The following LUZP2 variants were observed in gnomAD, a reference collection of about 807,000 sequenced individuals.
LUZP2 encodes leucine zipper protein 2.
Under a neutral mutation model 51.6 loss-of-function variants are expected in LUZP2, and 52 were observed. The observed-to-expected ratio is 1.01, with a 90% CI of 0.81 to 1.27. LUZP2 has a LOEUF of 1.27. Among genes scored for constraint, LUZP2 ranks in the 50% most tolerant of loss-of-function variants. LUZP2 has a pLI of 0.00. For missense variants in LUZP2, 436 were observed against 395.4 expected, an observed-to-expected ratio of 1.10 and a Z score of -0.87; for synonymous variants, 154 against 137.3, an observed-to-expected ratio of 1.12 and a Z score of -0.85.
chr11:24,717,564 C>A (rs1324833510), intron 1 of LUZP2, among the ~76,000 whole-genome samples: 2 of 147,322 alleles, frequency 1.4e-5, no homozygotes, highest in Admixed American at 6.8e-5. Flanking sequence ...CCTGCCACCA[C>A]GCCCGGCTAA....
chr11:25,014,023 GT>G, intron 9 of LUZP2, among the ~76,000 whole-genome samples: 1 of 152,016 alleles, frequency 6.6e-6, no homozygotes, highest in Non-Finnish European at 1.5e-5. Context: ...CCCTGCGATA[GT>G]TTGCTGAGAA....
At chr11:24,663,203 G>A (rs555620875) in intron 1 of LUZP2, among the ~76,000 whole-genome samples, 1 of 152,244 alleles carries the variant, frequency 6.6e-6, no homozygotes, top group African/African-American at 2.4e-5. Context: ...GGCTCTGGTG[G>A]GAGGGGATTA....
At chr11:24,680,715 C>A (rs903825467) in intron 1 of LUZP2, among the ~76,000 whole-genome samples, 12 of 152,270 alleles carry the variant, frequency 7.9e-5, no homozygotes, top group African/African-American at 2.4e-4. Context: ...AATTCATACA[C>A]CTGATCCGAA....
intron 7 of LUZP2, among the ~76,000 whole-genome samples, chr11:24,940,862 A>G (rs895485348): frequency 6.6e-6 from 1 of 152,204 alleles, no homozygotes; most frequent in African/African-American, 2.4e-5. Flanking sequence ...CAGAAGTGGT[A>G]TGTGTAGAGA....
At chr11:24,655,709 T>C (rs1190434614) in intron 1 of LUZP2, among the ~76,000 whole-genome samples, 3 of 152,160 alleles carry the variant, frequency 2.0e-5, no homozygotes, top group Admixed American at 2.0e-4. Flanking sequence ...TTGTCAGTGT[T>C]TGGAATTTAG....
At chr11:24,647,284 G>GT (rs917072948) in intron 1 of LUZP2, among the ~76,000 whole-genome samples, 48 of 151,152 alleles carry the variant, frequency 3.2e-4, no homozygotes, top group African/African-American at 7.5e-4. Context: ...AATCATTGCT[G>GT]TTTTTTTTAA....
intron 1 of LUZP2, among the ~76,000 whole-genome samples, chr11:24,579,677 A>G (rs1304684435): frequency 1.3e-5 from 2 of 152,118 alleles, no homozygotes; most frequent in African/African-American, 4.8e-5. Context: ...ATTGGTTCAT[A>G]TAATACATTG....
At chr11:24,899,215 A>G (rs779383641) in intron 5 of LUZP2, among the ~76,000 whole-genome samples, 13 of 152,072 alleles carry the variant, frequency 8.5e-5, no homozygotes, top group Non-Finnish European at 1.5e-4. Flanking sequence ...TGTCTTTTAT[A>G]ATTTTATAAT....
intron 1 of LUZP2, among the ~76,000 whole-genome samples, chr11:24,591,274 G>A (rs1853251667): frequency 6.6e-6 from 1 of 152,056 alleles, no homozygotes; most frequent in South Asian, 2.1e-4. Context: ...CATGCCCTTG[G>A]GTGGGAGAGC....
At chr11:24,733,708 A>G (rs1311092128) in intron 3 of LUZP2, among the ~76,000 whole-genome samples, 1 of 151,640 alleles carries the variant, frequency 6.6e-6, no homozygotes, top group South Asian at 2.1e-4. Context: ...AAATTAGTAC[A>G]TGATGACTAT....
chr11:24,877,651 G>T (rs1852316205), intron 5 of LUZP2, among the ~76,000 whole-genome samples: 1 of 151,802 alleles, frequency 6.6e-6, no homozygotes, highest in African/African-American at 2.4e-5. Flanking sequence ...ATTGATTATT[G>T]TCACCCTGTT....
At chr11:24,768,186 C>T (rs188030858) in intron 5 of LUZP2, among the ~76,000 whole-genome samples, 528 of 152,038 alleles carry the variant, frequency 3.5e-3, no homozygotes, top group Non-Finnish European at 6.7e-3. Flanking sequence ...CTGGCTGGAG[C>T]GCAGTGGTGC....
At chr11:24,659,498 C>A (rs1404231815) in intron 1 of LUZP2, among the ~76,000 whole-genome samples, 2 of 151,658 alleles carry the variant, frequency 1.3e-5, no homozygotes, top group Non-Finnish European at 2.9e-5. Flanking sequence ...TGCAGCACAC[C>A]AACATGGCAC....
chr11:24,563,067 C>T (rs1348042046), intron 1 of LUZP2, among the ~76,000 whole-genome samples: 2 of 152,044 alleles, frequency 1.3e-5, no homozygotes, highest in East Asian at 1.9e-4. Context: ...GAATAAAACA[C>T]TTGTGTTTGG....
intron 1 of LUZP2, among the ~76,000 whole-genome samples, chr11:24,620,802 A>C (rs540510752): frequency 1.3e-5 from 2 of 152,206 alleles, no homozygotes; most frequent in Non-Finnish European, 2.9e-5. Flanking sequence ...AATTGCTACA[A>C]TGTAAGTCAA....
intron 1 of LUZP2, among the ~76,000 whole-genome samples, chr11:24,652,292 G>C (rs981520339): frequency 2.0e-5 from 3 of 152,056 alleles, no homozygotes; most frequent in Non-Finnish European, 4.4e-5. Context: ...TCATTATTTT[G>C]TGGGAGCTAT....
intron 9 of LUZP2, among the ~76,000 whole-genome samples, chr11:25,022,017 G>T (rs565380087): frequency 2.6e-5 from 4 of 151,914 alleles, no homozygotes. Context: ...GTTCATTAAG[G>T]TTAGAAATGT....
chr11:24,667,551 T>C lies in LUZP2; in HGVS notation c.63-61618T>C, dbSNP rs556433866. ...CAAATATGTTAAAGGGATTAAACTA[T>C]GCACTCTGTGTAATGGGGAGCTGAG... On this transcript the variant is annotated intron_variant, in intron 1 of 11. Coordinates refer to ENST00000336930, the MANE Select transcript of LUZP2 (RefSeq NM_001009909.4). Among the ~76,000 whole-genome samples the C allele has an allele frequency of 6.6e-5, 10 of 152,302 alleles. No individual in the cohort carries two copies. The East Asian group carries it at 1.4e-3, about 21-fold the overall frequency.
At chr11:25,005,242 G>A (rs1189665826) in intron 9 of LUZP2, among the ~76,000 whole-genome samples, 3 of 152,014 alleles carry the variant, frequency 2.0e-5, no homozygotes, top group African/African-American at 7.2e-5. Flanking sequence ...ATAGGAGGGG[G>A]AGCTATAGGG....
Sources: allele counts gnomAD v4.1 joint callset (sites outside exome capture counted in the v4.1 genomes callset), GRCh38; gene constraint gnomAD v4.1.1; transcripts MANE v1.5; gene names NCBI Gene and HGNC (gene_info 2026-07-23, HGNC 2026-07-21).